CFAP97D1: variants seen among roughly 807,000 people sequenced by gnomAD.
The protein encoded by CFAP97D1 is sperm axonemal maintenance protein CFAP97D1.
CFAP97D1 carries 15 observed loss-of-function variants against 20.5 expected under a neutral mutation model. The ratio of observed to expected loss-of-function variants is 0.73; its 90% CI spans 0.49 to 1.13. The LOEUF is 1.13. Among genes scored for constraint, CFAP97D1 ranks in the 50% most tolerant of loss-of-function variants. The pLI, the probability that CFAP97D1 is intolerant of heterozygous loss-of-function variation, is 0.00. For synonymous variants in CFAP97D1, 58 were observed against 71.2 expected (o/e 0.82, Z 0.93); for missense variants, 168 against 202.9 (o/e 0.83, Z 1.04).
chr17:43,785,904 C>T lies in CFAP97D1; in HGVS notation c.*1522C>T, dbSNP rs1024774466. ...CCTCAATTGGATCCTGTGTCCAAGC[C>T]CCGCCTCTGGAGTCAAGGCCTGCCT... On this transcript the variant is annotated 3_prime_UTR_variant, in exon 6 of 6. Coordinates refer to ENST00000449302, the MANE Select transcript of CFAP97D1 (RefSeq NM_001136483.3). 1 of 152,160 alleles carries T rather than the reference C, an allele frequency of 6.6e-6. No homozygotes were observed. The highest frequency in any genetic ancestry group is 2.4e-5 in the African/African-American group (1 of 41,390). 9.4% of individuals were successfully genotyped at this position (152,160 alleles called of 1,614,324 possible).
At chr17:43,782,631 T>C (rs1248238667) in intron 3 of CFAP97D1, among the ~76,000 whole-genome samples, 1 of 152,154 alleles carries the variant, frequency 6.6e-6, no homozygotes, top group Non-Finnish European at 1.5e-5. Flanking sequence ...CTCAAGGTCT[T>C]GTAGGGGAGA....
Position 43,781,339 on chromosome 17 carries a change from C to T in CFAP97D1, c.195+150C>T, listed in dbSNP as rs563441462. 1.0e-4 allele frequency: 68 copies of T among 670,390 alleles called. 3 individuals are homozygous for T. The South Asian group carries it at 1.1e-3, about 11-fold the overall frequency. The allele number at this position is 670,390 out of a possible 1,614,324, so 41.5% of individuals were successfully genotyped here. A position where few individuals can be genotyped will look rare whatever the true frequency, so the allele number is the denominator to read the frequency against. ...CTCCTCCCCACGCGTCACCCCCAGT[C>T]GTTTTTTTCCCCCCTGATACGGAGT... On this transcript the variant is annotated intron_variant, in intron 2 of 5. Coordinates refer to ENST00000449302, the MANE Select transcript of CFAP97D1 (RefSeq NM_001136483.3).
At position 43,780,451 on chromosome 17, in the gene CFAP97D1, T is replaced by A. The variant is rs1390138751; in HGVS notation, c.-12T>A. 1 of 1,551,648 alleles carries A rather than the reference T, an allele frequency of 6.4e-7. No individual in the cohort carries two copies. Among genetic ancestry groups the A allele is most frequent in the Admixed American group, 2.0e-5 (1 of 51,008 alleles). ...GGGTACCTCATTTCTGAAGTGAGACTAGGAAGAGAAGATGAACAATTCCCT... is the reference window on the plus strand; with the variant it reads ...GGGTACCTCATTTCTGAAGTGAGACAAGGAAGAGAAGATGAACAATTCCCT... On this transcript the variant is annotated 5_prime_UTR_variant, in exon 1 of 6. Transcript: ENST00000449302.
chr17:43,785,743 T>G lies in CFAP97D1; in HGVS notation c.*1361T>G, dbSNP rs891355058. The G allele has an allele frequency of 6.6e-6, 1 of 152,264 alleles. No individual in the cohort carries two copies. Among genetic ancestry groups the G allele is most frequent in the African/African-American group, 2.4e-5 (1 of 41,428 alleles). The allele number at this position is 152,264 out of a possible 1,614,324, so 9.4% of individuals were successfully genotyped here. A position where few individuals can be genotyped will look rare whatever the true frequency, so the allele number is the denominator to read the frequency against. The stretch of plus-strand genomic sequence containing the variant: ...CGGCCTATAGGAAAGGGTAGTAATT[T>G]TTGGGTCCTTGGGTCATTGCCCTGG... On this transcript the variant is annotated 3_prime_UTR_variant, in exon 6 of 6. Coordinates refer to ENST00000449302, the MANE Select transcript of CFAP97D1 (RefSeq NM_001136483.3).
intron 4 of CFAP97D1, 120 bp downstream of exon 4, chr17:43,783,423 C>A: frequency 7.6e-7 from 1 of 1,316,388 alleles, no homozygotes; most frequent in Non-Finnish European, 1.0e-6. Flanking sequence ...ATGTAACAAT[C>A]GTTAAAAGAA....
rs1974468160 is a variant in CFAP97D1 at position 43,781,109 on chromosome 17, C to T, written c.125-10C>T. The T allele has an allele frequency of 6.5e-7, 1 of 1,549,028 alleles. No homozygotes were observed. The highest frequency in any genetic ancestry group is 1.4e-5 in the African/African-American group (1 of 73,084). Reference sequence around the variant, plus strand: ...ATGTAACATTGTTCCCTTTTATCCCCCTTCTCTAGCGAAGCCTACTGTTGA... The same window carrying T: ...ATGTAACATTGTTCCCTTTTATCCCTCTTCTCTAGCGAAGCCTACTGTTGA... On this transcript the variant is annotated splice_polypyrimidine_tract_variant and intron_variant, in intron 1 of 5. Transcript: ENST00000449302.
Position 43,783,154 on chromosome 17 carries a change from C to T in CFAP97D1, c.315-26C>T, listed in dbSNP as rs777149113. The T allele has an allele frequency of 1.3e-5, 20 of 1,551,454 alleles. No homozygotes were observed. In the South Asian group the frequency reaches 1.9e-4, roughly 15 times the overall value. The stretch of plus-strand genomic sequence containing the variant: ...TCAAGATGAGCATTTCCTTCTTCAC[C>T]CATTTCGGGGTTTTGTGTTTTTCAG... On this transcript the variant is annotated intron_variant, in intron 3 of 5. Coordinates refer to ENST00000449302, the MANE Select transcript of CFAP97D1 (RefSeq NM_001136483.3).
intron 3 of CFAP97D1, 151 bp from the exon 4 acceptor site, chr17:43,783,029 A>G (rs1474492067): frequency 3.4e-6 from 3 of 882,380 alleles, no homozygotes; most frequent in Non-Finnish European, 5.2e-6. Context: ...GTGCAGACCA[A>G]CAGGCTGTCC....
intron 3 of CFAP97D1, chr17:43,782,892 G>A (rs1035812987): frequency 9.7e-6 from 3 of 307,938 alleles, no homozygotes; most frequent in East Asian, 6.3e-5. Context: ...AATCCTTGGG[G>A]AATTTTAAGA....
rs1430346881 is a variant in CFAP97D1, at chr17:43,781,055, T to C, written c.125-64T>C. On this transcript the variant is annotated intron_variant, in intron 1 of 5. Coordinates refer to ENST00000449302, the MANE Select transcript of CFAP97D1 (RefSeq NM_001136483.3). ...GTCAAGGACATTGTCTAGTGCTGGT[T>C]TTCTGAGGCCGCTACTGGAATTCCT... 5.4e-6 allele frequency: 7 copies of C among 1,299,708 alleles called. No homozygotes were observed. The Admixed American group carries it at 6.0e-5, about 11-fold the overall frequency. The allele number at this position is 1,299,708 out of a possible 1,614,324, so 80.5% of individuals were successfully genotyped here.
Position 43,786,776 on chromosome 17 carries a change from T to G in CFAP97D1, c.*2394T>G, listed in dbSNP as rs1368525906. The G allele has an allele frequency of 6.6e-6, 1 of 152,230 alleles. No homozygotes were observed. The allele number at this position is 152,230 out of a possible 1,614,324, so 9.4% of individuals were successfully genotyped here. A position where few individuals can be genotyped will look rare whatever the true frequency, so the allele number is the denominator to read the frequency against. On this transcript the variant is annotated 3_prime_UTR_variant, in exon 6 of 6. Coordinates refer to ENST00000449302, the MANE Select transcript of CFAP97D1 (RefSeq NM_001136483.3). ...TCATGGTATTACGTAAATGGCGTCA[T>G]GCAATGTATGTTCATCCTTTTGAGA... is the stretch of plus-strand genomic sequence containing the variant.
intron 1 of CFAP97D1, 74 bp from the exon 2 acceptor site, chr17:43,781,045 T>C: frequency 1.8e-6 from 2 of 1,111,298 alleles, no homozygotes; most frequent in Non-Finnish European, 1.3e-6. Context: ...GGACATTGTC[T>C]AGTGCTGGTT....
chr17:43,783,472 A>G (rs1329360050), intron 4 of CFAP97D1, among the ~76,000 whole-genome samples, 169 bp downstream of exon 4: 2 of 152,040 alleles, frequency 1.3e-5, no homozygotes, highest in Non-Finnish European at 2.9e-5. Context: ...GGCACAAACC[A>G]TCAAACAAAC....
At chr17:43,783,358 A>G (rs981326582) in intron 4 of CFAP97D1, 55 bp downstream of exon 4, 85 of 1,537,218 alleles carry the variant, frequency 5.5e-5, no homozygotes, top group Non-Finnish European at 7.2e-5. Context: ...GTCGGTGTTC[A>G]GCCTAGAGAG....
chr17:43,780,519 A>G lies in CFAP97D1; in HGVS notation c.57A>G (p.Gln19=). Reference sequence around the variant, plus strand: ...CTGTTATCGTCTCTAATCACAGGCAAAGCACAACCTTCAGAAAGAAACTGG... The same window carrying G: ...CTGTTATCGTCTCTAATCACAGGCAGAGCACAACCTTCAGAAAGAAACTGG... The part of the protein sequence containing the change: ...AYPVIVSNHR[Q]STTFRKKLDF... The change falls in exon 1 of 6, where the codon CAA becomes CAG. Residue 19 remains glutamine, a synonymous_variant. Transcript: ENST00000449302. 6.4e-7 allele frequency: 1 copy of G among 1,551,700 alleles called. No homozygotes were observed. Among genetic ancestry groups the G allele is most frequent in the Non-Finnish European group, 8.7e-7 (1 of 1,146,964 alleles).
Position 43,781,825 on chromosome 17 carries a change from C to A in CFAP97D1, c.247C>A (p.Gln83Lys). ...CGAGTATGAAAACAAGCAACTGTGT[C>A]AGAAAATCGCAAATGCCCATCGCGG... Reference protein sequence around the residue: ...KIEYENKQLCQKIANAHRGPA... With the variant: ...KIEYENKQLCKKIANAHRGPA... Residue 83 changes from glutamine to lysine, a missense_variant, in exon 3 of 6, where the codon CAG becomes AAG. Coordinates refer to ENST00000449302, the MANE Select transcript of CFAP97D1 (RefSeq NM_001136483.3). The A allele has an allele frequency of 6.4e-7, 1 of 1,551,640 alleles. No homozygotes were observed. Among genetic ancestry groups the A allele is most frequent in the Non-Finnish European group, 8.7e-7 (1 of 1,146,956 alleles).
At chr17:43,783,789 T>TA (rs1399602115) in intron 4 of CFAP97D1, 48 bp from the exon 5 acceptor site, 1 of 1,364,622 alleles carries the variant, frequency 7.3e-7, no homozygotes. Flanking sequence ...ACTTCAGTAA[T>TA]AGCACCAATG....
At position 43,783,259 on chromosome 17, in the gene CFAP97D1, C is replaced by G; in HGVS notation, c.394C>G (p.Arg132Gly). The G allele has an allele frequency of 6.4e-7, 1 of 1,551,328 alleles. No individual in the cohort carries two copies. Among genetic ancestry groups the G allele is most frequent in the Non-Finnish European group, 8.7e-7 (1 of 1,146,830 alleles). Residue 132 changes from arginine (R) to glycine (G), a missense_variant, in exon 4 of 6, where the codon CGC (arginine) becomes GGC (glycine). Coordinates refer to ENST00000449302, the MANE Select transcript of CFAP97D1 (RefSeq NM_001136483.3). Reference sequence around the variant, plus strand: ...GGGCATTCTGAAGAGGCTTGTTGATCGCAAACCCCACTATGACCGCAGGGC... The same window carrying G: ...GGGCATTCTGAAGAGGCTTGTTGATGGCAAACCCCACTATGACCGCAGGGC... The part of the protein sequence containing the change: ...NQGILKRLVD[R>G]KPHYDRRASE...
At chr17:43,781,069 A>C in intron 1 of CFAP97D1, 50 bp from the exon 2 acceptor site, 6 of 1,386,662 alleles carry the variant, frequency 4.3e-6, no homozygotes, top group South Asian at 1.2e-5. Flanking sequence ...TGAGGCCGCT[A>C]CTGGAATTCC....
Sources: gnomAD v4.1 joint callset for allele counts (sites outside exome capture counted in the v4.1 genomes callset) on GRCh38, gnomAD v4.1.1 for gene constraint, MANE v1.5 for transcripts, NCBI Gene and HGNC (gene_info 2026-07-23, HGNC 2026-07-21) for gene names.